The following CHRM5 variants were observed in gnomAD, a reference collection of about 807,000 sequenced individuals.
The protein encoded by CHRM5 is muscarinic acetylcholine receptor M5.
Under a neutral mutation model 39.0 loss-of-function variants are expected in CHRM5, and 18 were observed. That is an observed-to-expected ratio of 0.46 (90% CI 0.32 to 0.68). The LOEUF (loss-of-function observed/expected upper bound fraction) is 0.68, where lower values mean the gene tolerates loss of function less well. Among genes scored for constraint, CHRM5 ranks in the 30% least tolerant of loss-of-function variants. The pLI is 0.04. For missense variants in CHRM5, 515 were observed against 651.1 expected (o/e 0.79, Z 2.28); for synonymous variants, 241 against 246.3 (o/e 0.98, Z 0.20).
Position 33,997,490 on chromosome 15 carries a change from G to A in CHRM5, c.-408+28340G>A, listed in dbSNP as rs545226127. 3.9e-5 allele frequency among the ~76,000 whole-genome samples: 6 copies of A among 152,158 alleles called. No homozygotes were observed. In the South Asian group the frequency reaches 8.3e-4, roughly 21 times the overall value. ...CACCAACTCACAGCCAGGCACACCCGTATTTTTATATAAGACTATATCATT... is the reference window on the plus strand; with the variant it reads ...CACCAACTCACAGCCAGGCACACCCATATTTTTATATAAGACTATATCATT... On this transcript the variant is annotated intron_variant, in intron 1 of 2. Transcript: ENST00000383263.
intron 1 of CHRM5, among the ~76,000 whole-genome samples, chr15:34,019,845 A>G (rs138532337): frequency 6.6e-6 from 1 of 152,320 alleles, no homozygotes; most frequent in Non-Finnish European, 1.5e-5. Flanking sequence ...ACCTAACGAC[A>G]TGTTTCTCAG....
At chr15:33,999,111 G>T (rs955714612) in intron 1 of CHRM5, among the ~76,000 whole-genome samples, 3 of 152,186 alleles carry the variant, frequency 2.0e-5, no homozygotes, top group African/African-American at 7.2e-5. Context: ...GACCAATATG[G>T]ATTACAACTT....
chr15:34,018,687 T>A (rs1247883167), intron 1 of CHRM5, among the ~76,000 whole-genome samples: 2 of 152,234 alleles, frequency 1.3e-5, no homozygotes, highest in Non-Finnish European at 2.9e-5. Flanking sequence ...AGTGGGTTGC[T>A]GCTGCTGGCT....
chr15:33,988,614 G>T (rs1394261369), intron 1 of CHRM5, among the ~76,000 whole-genome samples: 1 of 152,066 alleles, frequency 6.6e-6, no homozygotes, highest in East Asian at 1.9e-4. Flanking sequence ...GTGGCCACAG[G>T]GCTCATTTAC....
intron 2 of CHRM5, among the ~76,000 whole-genome samples, chr15:34,049,295 G>A (rs915169027): frequency 1.3e-5 from 2 of 152,156 alleles, no homozygotes; most frequent in African/African-American, 4.8e-5. Flanking sequence ...ATGCAAGGGA[G>A]CTATGAATCA....
chr15:33,999,146 G>C (rs1897047677), intron 1 of CHRM5, among the ~76,000 whole-genome samples: 1 of 152,168 alleles, frequency 6.6e-6, no homozygotes, highest in Admixed American at 6.5e-5. Context: ...CTTCCAGTAG[G>C]TTAGACTTAT....
At chr15:33,979,930 G>A (rs558024722) in intron 1 of CHRM5, among the ~76,000 whole-genome samples, 12 of 152,288 alleles carry the variant, frequency 7.9e-5, no homozygotes, top group African/African-American at 2.9e-4. Context: ...CCATTCAGGT[G>A]AACACTAACT....
chr15:33,983,247 T>C (rs189196375), intron 1 of CHRM5, among the ~76,000 whole-genome samples: 1,879 of 131,030 alleles, frequency 0.014, 70 homozygotes, highest in African/African-American at 0.062. Context: ...CACACACACA[T>C]ATATATGGCT....
rs377620553 is a variant in CHRM5 at position 34,054,599 on chromosome 15, G to A, written c.-76+7728G>A. On this transcript the variant is annotated intron_variant, in intron 2 of 2. Transcript: ENST00000383263. ...GAACAGAAAACGAAAACTAAACACC[G>A]CATGTTCTCACTTATAAGTAAGAGC... 7.2e-5 allele frequency among the ~76,000 whole-genome samples: 11 copies of A among 152,246 alleles called. No individual in the cohort carries two copies. The East Asian group carries it at 7.7e-4, about 11-fold the overall frequency.
chr15:34,004,402 G>C (rs1426490618), intron 1 of CHRM5, among the ~76,000 whole-genome samples: 2 of 152,152 alleles, frequency 1.3e-5, no homozygotes, highest in Non-Finnish European at 2.9e-5. Flanking sequence ...AGAGGATGGA[G>C]AAACCTATAA....
At chr15:34,046,249 G>A (rs978847531) in intron 1 of CHRM5, among the ~76,000 whole-genome samples, 3 of 151,472 alleles carry the variant, frequency 2.0e-5, no homozygotes, top group African/African-American at 2.4e-5. Flanking sequence ...TCCATCAGCC[G>A]TGGAACCTAC....
intron 1 of CHRM5, among the ~76,000 whole-genome samples, chr15:34,016,000 G>T (rs1194245110): frequency 1.3e-5 from 2 of 152,174 alleles, no homozygotes; most frequent in East Asian, 3.8e-4. Flanking sequence ...AAAGCGGCTG[G>T]GCGCGGTGGC....
chr15:34,051,761 C>T (rs377653780), intron 2 of CHRM5, among the ~76,000 whole-genome samples: 3 of 152,082 alleles, frequency 2.0e-5, no homozygotes, highest in Admixed American at 2.0e-4. Context: ...AAATCCTGAA[C>T]ACATACACCC....
At chr15:34,030,379 T>C (rs1380582892) in intron 1 of CHRM5, among the ~76,000 whole-genome samples, 7 of 152,146 alleles carry the variant, frequency 4.6e-5, no homozygotes, top group Admixed American at 2.6e-4. Context: ...GGAGTCTTGC[T>C]CTGTCGCCCA....
chr15:34,043,278 G>A (rs961811052), intron 1 of CHRM5, among the ~76,000 whole-genome samples: 1 of 151,958 alleles, frequency 6.6e-6, no homozygotes, highest in Non-Finnish European at 1.5e-5. Flanking sequence ...GATCTCATAG[G>A]CTTTCACTGT....
rs145317030 is a variant in CHRM5, at chr15:34,014,933, G to A, written c.-407-31607G>A. Among the ~76,000 whole-genome samples the A allele has an allele frequency of 2.9e-3, 447 of 152,272 alleles. 5 individuals carry two copies. The highest frequency in any genetic ancestry group is 0.01 in the African/African-American group (419 of 41,548). Reference sequence around the variant, plus strand: ...ATAATAAAAGATAAACAGAAAGGAAGGGTCAGATACAGGGGGTGAGGGGTG... The same window carrying A: ...ATAATAAAAGATAAACAGAAAGGAAAGGTCAGATACAGGGGGTGAGGGGTG... On this transcript the variant is annotated intron_variant, in intron 1 of 2. Coordinates refer to ENST00000383263, the MANE Select transcript of CHRM5 (RefSeq NM_012125.4).
intron 1 of CHRM5, among the ~76,000 whole-genome samples, chr15:34,025,740 G>C (rs2140736555): frequency 6.6e-6 from 1 of 150,660 alleles, no homozygotes; most frequent in Non-Finnish European, 1.5e-5. Context: ...GTGTGTTTTT[G>C]TTTTGGTTTG....
chr15:34,066,558 A>G lies in CHRM5; in HGVS notation c.*2242A>G, dbSNP rs1435901519. Reference sequence around the variant, plus strand: ...GGTGGCTGACACCTGTAATCCCAGCACTTTGGGAGGCTGAGGCAAGAGGAC... The same window carrying G: ...GGTGGCTGACACCTGTAATCCCAGCGCTTTGGGAGGCTGAGGCAAGAGGAC... On this transcript the variant is annotated 3_prime_UTR_variant, in exon 3 of 3. Transcript: ENST00000383263. The G allele has an allele frequency of 1.3e-5, 2 of 152,194 alleles. No homozygotes were observed. The highest frequency in any genetic ancestry group is 2.4e-5 in the African/African-American group (1 of 41,434). 9.4% of individuals were successfully genotyped at this position (152,194 alleles called of 1,614,324 possible). A position where few individuals can be genotyped will look rare whatever the true frequency, so the allele number is the denominator to read the frequency against.
chr15:34,013,896 T>TA (rs1897747527), intron 1 of CHRM5, among the ~76,000 whole-genome samples: 1 of 152,124 alleles, frequency 6.6e-6, no homozygotes, highest in Non-Finnish European at 1.5e-5. Flanking sequence ...GAGATGAGCC[T>TA]ACTGAAGGAA....
Sources: gnomAD v4.1 joint callset for allele counts (sites outside exome capture counted in the v4.1 genomes callset) on GRCh38, gnomAD v4.1.1 for gene constraint, MANE v1.5 for transcripts, NCBI Gene and HGNC (gene_info 2026-07-23, HGNC 2026-07-21) for gene names.